The following ABCA13 variants were observed in gnomAD, a reference collection of about 807,000 sequenced individuals.
The protein encoded by ABCA13 is ATP binding cassette subfamily A member 13, also known as ATP-binding cassette sub-family A member 13.
ABCA13 carries 476 observed loss-of-function variants against 478.7 expected under a neutral mutation model. The ratio of observed to expected loss-of-function variants is 0.99; its 90% confidence interval spans 0.92 to 1.07. The LOEUF (loss-of-function observed/expected upper bound fraction) is 1.07. Among genes scored for constraint, ABCA13 ranks in the 50% least tolerant of loss-of-function variants. The probability of loss-of-function intolerance (pLI) is 0.00; values close to 1 mark genes in which losing one functional copy is unlikely to be tolerated. For missense variants in ABCA13, 6,060 were observed against 5,910.6 expected (o/e 1.03, Z -0.83); for synonymous variants, 2,252 against 2,158.9 (o/e 1.04, Z -1.20).
Position 48,209,825 on chromosome 7 carries a change from T to C in ABCA13, c.288-9529T>C, listed in dbSNP as rs193016822. ...ATCCTTTGAATCTTTGTGGCATCAG[T>C]TGTAATTTCTCCTTTTTTGCCTCAA... is the stretch of plus-strand genomic sequence containing the variant. On this transcript the variant is annotated intron_variant, in intron 3 of 61. Coordinates refer to ENST00000435803, the MANE Select transcript of ABCA13 (RefSeq NM_152701.5). Among the ~76,000 whole-genome samples, 9 of 152,314 alleles carry C rather than the reference T, an allele frequency of 5.9e-5. No homozygotes were observed. In the East Asian group the frequency reaches 1.7e-3, roughly 29 times the overall value.
intron 55 of ABCA13, among the ~76,000 whole-genome samples, chr7:48,553,242 T>G (rs931449646): frequency 6.6e-6 from 1 of 152,128 alleles, no homozygotes; most frequent in Non-Finnish European, 1.5e-5. Context: ...CTTCCAAATC[T>G]TACCTATTGT....
Position 48,587,295 on chromosome 7 carries a change from A to G in ABCA13, c.14640+7A>G, listed in dbSNP as rs758803970. 1 of 1,597,360 alleles carries G rather than the reference A, an allele frequency of 6.3e-7. No homozygotes were observed. Among genetic ancestry groups the G allele is most frequent in the Non-Finnish European group, 8.5e-7 (1 of 1,170,830 alleles). ...ACCTGACATTCTTTTATTGGTGAGT[A>G]GAAGAATGTCAATATCTTGGAGTAA... On this transcript the variant is annotated splice_region_variant and intron_variant, in intron 57 of 61. Coordinates refer to ENST00000435803, the MANE Select transcript of ABCA13 (RefSeq NM_152701.5).
chr7:48,188,229 C>T lies in ABCA13; in HGVS notation c.70-4730C>T, dbSNP rs528082752. ...TGCTCTCCTATGAAAAATTGTTAAA[C>T]GTTTTGTGTAATGTTCAGTTCATTT... On this transcript the variant is annotated intron_variant, in intron 1 of 61. Coordinates refer to ENST00000435803, the MANE Select transcript of ABCA13 (RefSeq NM_152701.5). Among the ~76,000 whole-genome samples the T allele has an allele frequency of 9.2e-5, 14 of 152,278 alleles. No individual in the cohort carries two copies. The East Asian group carries it at 1.3e-3, about 15-fold the overall frequency.
At chr7:48,576,594 G>A (rs73694681) in intron 55 of ABCA13, among the ~76,000 whole-genome samples, 5,197 of 152,206 alleles carry the variant, frequency 0.034, 307 homozygotes, top group African/African-American at 0.12. Flanking sequence ...AGACATGATT[G>A]TGGGAATATA....
intron 40 of ABCA13, 111 bp downstream of exon 40, chr7:48,410,788 A>G (rs1818909576): frequency 7.1e-7 from 1 of 1,401,878 alleles, no homozygotes; most frequent in Non-Finnish European, 9.7e-7. Flanking sequence ...CCTTCTGTGC[A>G]CAATGGCCCA....
chr7:48,201,393 A>G (rs1224710403), intron 3 of ABCA13, among the ~76,000 whole-genome samples: 1 of 151,918 alleles, frequency 6.6e-6, no homozygotes, highest in African/African-American at 2.4e-5. Context: ...TAAAGACAGG[A>G]AGGCAGTAAG....
chr7:48,175,186 T>C (rs1181034173), intron 1 of ABCA13, among the ~76,000 whole-genome samples: 2 of 152,242 alleles, frequency 1.3e-5, no homozygotes, highest in East Asian at 3.8e-4. Context: ...TTATTCTAAC[T>C]GTAAATCAGT....
chr7:48,309,666 C>T (rs897455338), intron 23 of ABCA13, among the ~76,000 whole-genome samples: 28 of 152,068 alleles, frequency 1.8e-4, no homozygotes, highest in Middle Eastern at 3.2e-3. Context: ...GAGTGAGCCT[C>T]GTGGAGAGCA....
chr7:48,528,074 T>C (rs1395650374), intron 54 of ABCA13, among the ~76,000 whole-genome samples, 162 bp from the exon 55 acceptor site: 1 of 152,336 alleles, frequency 6.6e-6, no homozygotes, highest in East Asian at 1.9e-4. Flanking sequence ...TTATACACTA[T>C]TGTCATTTTA....
chr7:48,446,387 T>TA (rs1233064863), intron 42 of ABCA13, among the ~76,000 whole-genome samples: 19,846 of 116,880 alleles, frequency 0.17, 1,448 homozygotes, highest in East Asian at 0.28. Context: ...TCATGCCCTT[T>TA]AAAAAAAAAA....
At chr7:48,362,253 T>C (rs1810970799) in intron 31 of ABCA13, among the ~76,000 whole-genome samples, 1 of 150,370 alleles carries the variant, frequency 6.7e-6, no homozygotes, top group Non-Finnish European at 1.5e-5. Context: ...CTCTTTTTCC[T>C]GTGGAGTTTG....
At chr7:48,610,767 C>G (rs560863596) in intron 58 of ABCA13, among the ~76,000 whole-genome samples, 16 of 152,356 alleles carry the variant, frequency 1.1e-4, no homozygotes, top group African/African-American at 3.8e-4. Flanking sequence ...ACTGCTTGCA[C>G]TCTCTGGACC....
intron 23 of ABCA13, among the ~76,000 whole-genome samples, chr7:48,309,572 G>C (rs1162185541): frequency 1.3e-5 from 2 of 152,114 alleles, no homozygotes; most frequent in Non-Finnish European, 2.9e-5. Context: ...TGAAAGCCAA[G>C]GGTAAGACTT....
chr7:48,497,989 G>T (rs1830425398), intron 48 of ABCA13, among the ~76,000 whole-genome samples: 2 of 152,194 alleles, frequency 1.3e-5, no homozygotes, highest in South Asian at 4.1e-4. Context: ...CTGTCAGGTA[G>T]ATATGGAGGC....
chr7:48,213,372 G>T (rs1372539264), intron 3 of ABCA13, among the ~76,000 whole-genome samples: 1 of 152,060 alleles, frequency 6.6e-6, no homozygotes, highest in African/African-American at 2.4e-5. Flanking sequence ...ACACTATATT[G>T]CAGTCTGTTA....
Position 48,279,214 on chromosome 7 carries a change from C to A in ABCA13, c.8020C>A (p.Arg2674=). Residue 2674 remains arginine (R), a synonymous_variant, in exon 18 of 62, where the codon CGG becomes AGG. Coordinates refer to ENST00000435803, the MANE Select transcript of ABCA13 (RefSeq NM_152701.5). ...QTFSMDSVNL[R]EEILGCLVPI... is the part of the protein sequence containing the mutation. ...ATTTTCTATGGATTCTGTCAACTTA[C>A]GGGAAGAAATTCTGGGTTGCTTAGT... is the stretch of plus-strand genomic sequence containing the variant. 1 of 1,590,984 alleles carries A rather than the reference C, an allele frequency of 6.3e-7. No individual in the cohort carries two copies.
At chr7:48,483,654 A>G (rs559786317) in intron 47 of ABCA13, among the ~76,000 whole-genome samples, 1 of 152,318 alleles carries the variant, frequency 6.6e-6, no homozygotes, top group Non-Finnish European at 1.5e-5. Flanking sequence ...CTTAGAATTA[A>G]AGAGACTAGG....
chr7:48,308,025 TAACATTTATATTAA>T (rs1225762170), intron 23 of ABCA13, among the ~76,000 whole-genome samples: 1 of 152,240 alleles, frequency 6.6e-6, no homozygotes, highest in African/African-American at 2.4e-5. Flanking sequence ...TCTTCAGTGA[TAACATTTATATTAA>T]AACACAAATA....
intron 27 of ABCA13, among the ~76,000 whole-genome samples, chr7:48,331,602 C>G (rs1489344762): frequency 6.6e-6 from 1 of 152,178 alleles, no homozygotes. Context: ...GATTTACATG[C>G]ATTTGTAAGA....
Sources: gnomAD v4.1 joint callset for allele counts (sites outside exome capture counted in the v4.1 genomes callset) on GRCh38, gnomAD v4.1.1 for gene constraint, MANE v1.5 for transcripts, NCBI Gene and HGNC (gene_info 2026-07-23, HGNC 2026-07-21) for gene names.